SEC14L3: variants seen among roughly 807,000 people sequenced by gnomAD.
SEC14L3 encodes SEC14 like lipid binding 3.
In SEC14L3, 56 loss-of-function variants were observed where a neutral mutation model predicts 57.4. That is an observed-to-expected ratio of 0.97 (90% CI 0.79 to 1.22). The LOEUF (loss-of-function observed/expected upper bound fraction) is 1.22, where lower values mean the gene tolerates loss of function less well. SEC14L3 is among the 50% of genes most tolerant of loss of function. The probability of loss-of-function intolerance (pLI) is 0.00; values close to 1 mark genes in which losing one functional copy is unlikely to be tolerated. For missense variants in SEC14L3, 485 were observed against 511.7 expected, an observed-to-expected ratio of 0.95 and a Z score of 0.50; for synonymous variants, 173 against 194.4, an observed-to-expected ratio of 0.89 and a Z score of 0.92.
At chr22:30,448,980 C>T in exon 13 of SEC14L3, 1 of 1,036,606 alleles carries the variant, frequency 9.6e-7, no homozygotes, top group Non-Finnish European at 1.4e-6. Context: ...CTCTTAGAAG[C>T]AGCATGGCAA....
At chr22:30,451,459 AG>A (rs1934979563) in intron 12 of SEC14L3, among the ~76,000 whole-genome samples, 1 of 152,166 alleles carries the variant, frequency 6.6e-6, no homozygotes, top group East Asian at 1.9e-4. Context: ...TAAAGCAAAT[AG>A]ACAACTGTCC....
intron 8 of SEC14L3, among the ~76,000 whole-genome samples, chr22:30,463,518 C>T (rs977529880): frequency 1.4e-4 from 22 of 152,150 alleles, no homozygotes; most frequent in Non-Finnish European, 2.8e-4. Flanking sequence ...CTTTGGAAGG[C>T]GTAGAAGGCA....
rs1199816282 is a variant in SEC14L3 at position 30,470,039 on chromosome 22, G to A, written c.214C>T (p.Leu72Phe). The A allele has an allele frequency of 1.3e-6, 2 of 1,581,044 alleles. No individual in the cohort carries two copies. The highest frequency in any genetic ancestry group is 1.7e-6 in the Non-Finnish European group (2 of 1,162,704). Residue 72 changes from leucine to phenylalanine, a missense_variant, in exon 4 of 12, where the codon CTT becomes TTT. Coordinates refer to ENST00000215812, the MANE Select transcript of SEC14L3 (RefSeq NM_174975.5). ...CTCACCTCTGGGGGCTGCCAATCAA[G>A]GATATGGTCAATATCCATGGTCTTC... ...FRKTMDIDHI[L>F]DWQPPEVIQK...
At chr22:30,462,574 T>A (rs1935301366) in intron 8 of SEC14L3, among the ~76,000 whole-genome samples, 2 of 151,980 alleles carry the variant, frequency 1.3e-5, no homozygotes, top group Admixed American at 1.3e-4. Context: ...GCCTGGCTAA[T>A]TTTTATTTGG....
At chr22:30,464,203 C>T (rs1297576065) in intron 8 of SEC14L3, among the ~76,000 whole-genome samples, 1 of 152,120 alleles carries the variant, frequency 6.6e-6, no homozygotes, top group African/African-American at 2.4e-5. Flanking sequence ...TCTGCCTCAT[C>T]CTCTTCTGCC....
chr22:30,455,099 TATATTTAATATTTAATATTTA>T (rs1418143893), downstream of SEC14L3, among the ~76,000 whole-genome samples: 2 of 45,334 alleles, frequency 4.4e-5, no homozygotes, highest in Non-Finnish European at 3.4e-5. Flanking sequence ...TAATATATAA[TATATTTAATATTTAATATTTA>T]ATATATATTA....
At chr22:30,471,763 T>C in intron 1 of SEC14L3, 142 bp downstream of exon 1, 1 of 1,224,008 alleles carries the variant, frequency 8.2e-7, no homozygotes, top group Non-Finnish European at 1.2e-6. Flanking sequence ...CCGTGGGGCT[T>C]GACCCTTTGG....
At chr22:30,461,174 T>A (rs973893179) in intron 11 of SEC14L3, 136 bp downstream of exon 11, 7 of 1,061,340 alleles carry the variant, frequency 6.6e-6, no homozygotes, top group Admixed American at 2.4e-5. Context: ...AGTGACTGTA[T>A]GAATGAATGG....
Position 30,464,846 on chromosome 22 carries a change from G to C in SEC14L3, c.638C>G (p.Thr213Ser), listed in dbSNP as rs1935369250. 1 of 1,614,144 alleles carries C rather than the reference G, an allele frequency of 6.2e-7. No individual in the cohort carries two copies. Among genetic ancestry groups the C allele is most frequent in the East Asian group, 2.2e-5 (1 of 44,876 alleles). ...NLMKPFLSEDTRRKIIVLGNN... is the reference protein window; with the variant it reads ...NLMKPFLSEDSRRKIIVLGNN... ...TCCCAACACAATAATTTTCCTGCGA[G>C]TGTCCTCACTCAGGAATGGCTTCAT... Residue 213 changes from threonine (T) to serine (S), a missense_variant, in exon 8 of 12, where the codon ACT becomes AGT. Thr to Ser is a moderately conservative substitution (Grantham distance 58, BLOSUM62 1). Transcript: ENST00000215812.
Position 30,471,986 on chromosome 22 carries a change from G to A in SEC14L3, c.-28C>T, listed in dbSNP as rs1023763004. ...TGCTGGCTGGGGCTTGAGGAGTGGTGGCCACTATAGGCAAGAGGCCAAGCC... is the reference window on the plus strand; with the variant it reads ...TGCTGGCTGGGGCTTGAGGAGTGGTAGCCACTATAGGCAAGAGGCCAAGCC... On this transcript the variant is annotated 5_prime_UTR_variant, in exon 1 of 12. Transcript: ENST00000215812. The A allele has an allele frequency of 3.2e-6, 5 of 1,578,350 alleles. No homozygotes were observed. The African/African-American group carries it at 6.9e-5, about 22-fold the overall frequency.
At chr22:30,453,644 C>A (rs958094699) in intron 12 of SEC14L3, among the ~76,000 whole-genome samples, 1 of 152,206 alleles carries the variant, frequency 6.6e-6, no homozygotes, top group Non-Finnish European at 1.5e-5. Context: ...AACTCCCGAC[C>A]TCAAATGATC....
At chr22:30,451,657 G>A (rs918019995) in intron 12 of SEC14L3, among the ~76,000 whole-genome samples, 5 of 152,026 alleles carry the variant, frequency 3.3e-5, no homozygotes, top group African/African-American at 1.2e-4. Flanking sequence ...ACAGCTTGCC[G>A]AAACACGGAC....
intron 6 of SEC14L3, 61 bp from the exon 7 acceptor site, chr22:30,466,455 C>T: frequency 6.2e-7 from 1 of 1,612,078 alleles, no homozygotes; most frequent in Admixed American, 1.7e-5. Context: ...CCTCCATCTC[C>T]TGTGCAATCT....
rs1935202224 is a variant in SEC14L3 at position 30,460,055 on chromosome 22, A to T, written c.1169T>A (p.Met390Lys). The change falls in exon 12 of 12, where the codon ATG (methionine) becomes AAG (lysine). Residue 390 changes from methionine to lysine, a missense_variant. Met to Lys is a moderately conservative substitution (Grantham distance 95, BLOSUM62 -1). Transcript: ENST00000215812. ...GGTGAGCTCCTTATCATATTTCTGC[A>T]TGCCCTCGTCAGGGAGCAGGACCTC... Reference protein sequence around the residue: ...TVEVLLPDEGMQKYDKELTPV With the variant: ...TVEVLLPDEGKQKYDKELTPV 6.2e-7 allele frequency: 1 copy of T among 1,614,220 alleles called. No individual in the cohort carries two copies. The highest frequency in any genetic ancestry group is 8.5e-7 in the Non-Finnish European group (1 of 1,180,032).
chr22:30,456,315 A>AC (rs1321663517), downstream of SEC14L3, among the ~76,000 whole-genome samples: 125 of 151,264 alleles, frequency 8.3e-4, no homozygotes, highest in South Asian at 2.1e-3. Context: ...AAAAAAAAAA[A>AC]AAACAAACAC....
intron 12 of SEC14L3, among the ~76,000 whole-genome samples, chr22:30,451,676 C>A (rs1219646017): frequency 6.6e-6 from 1 of 151,952 alleles, no homozygotes; most frequent in African/African-American, 2.4e-5. Context: ...ACACTCCCTG[C>A]ACTTACGAGA....
At chr22:30,449,538 G>A (rs1010867554) in intron 12 of SEC14L3, among the ~76,000 whole-genome samples, 1 of 145,904 alleles carries the variant, frequency 6.9e-6, no homozygotes, top group African/African-American at 2.6e-5. Context: ...CAGTCTGTCC[G>A]TTCTTTTTTC....
chr22:30,451,642 A>G (rs2146081940), intron 12 of SEC14L3, among the ~76,000 whole-genome samples: 1 of 152,278 alleles, frequency 6.6e-6, no homozygotes, highest in Non-Finnish European at 1.5e-5. Context: ...CAGATAAGAA[A>G]AGAAACAGCT....
chr22:30,461,722 C>A, intron 9 of SEC14L3, 28 bp from the exon 10 acceptor site: 1 of 1,597,542 alleles, frequency 6.3e-7, no homozygotes, highest in East Asian at 2.3e-5. Context: ...GATGGGCTTG[C>A]TTCCGTCTCC....
Sources: gnomAD v4.1 joint callset for allele counts (sites outside exome capture counted in the v4.1 genomes callset) on GRCh38, gnomAD v4.1.1 for gene constraint, MANE v1.5 for transcripts, NCBI Gene and HGNC (gene_info 2026-07-23, HGNC 2026-07-21) for gene names.